Variants in VTI1A observed in about 807,000 individuals in gnomAD.
The protein encoded by VTI1A is vesicle transport through interaction with t-SNAREs homolog 1A.
Under a neutral mutation model 34.9 loss-of-function variants are expected in VTI1A, and 22 were observed. The ratio of observed to expected loss-of-function variants is 0.63; its 90% CI spans 0.45 to 0.90. The LOEUF (loss-of-function observed/expected upper bound fraction) is 0.90, where lower values mean the gene tolerates loss of function less well. Among genes scored for constraint, VTI1A ranks in the 40% least tolerant of loss-of-function variants. The pLI, the probability that VTI1A is intolerant of heterozygous loss-of-function variation, is 0.00. For missense variants in VTI1A, 268 were observed against 275.6 expected, an observed-to-expected ratio of 0.97 and a Z score of 0.20; for synonymous variants, 87 against 97.3, an observed-to-expected ratio of 0.89 and a Z score of 0.62.
the VTI1A span, among the ~76,000 whole-genome samples, chr10:112,846,638 C>T: frequency 6.6e-6 from 1 of 152,102 alleles, no homozygotes; most frequent in East Asian, 1.9e-4. Flanking sequence ...TGGTGGCGGG[C>T]ACCTGTAGTC....
intron 5 of VTI1A, among the ~76,000 whole-genome samples, chr10:112,564,220 T>C (rs1387845607): frequency 1.3e-5 from 2 of 152,104 alleles, no homozygotes; most frequent in East Asian, 3.9e-4. Context: ...ATTAAATCAT[T>C]TGGCAGTGAC....
intron 3 of VTI1A, among the ~76,000 whole-genome samples, chr10:112,503,355 CAT>C (rs942494782): frequency 1.3e-5 from 2 of 152,162 alleles, no homozygotes; most frequent in Non-Finnish European, 2.9e-5. Context: ...TGAATGAGAA[CAT>C]GTGATATTTG....
chr10:112,718,287 A>G (rs1182789214), intron 7 of VTI1A, among the ~76,000 whole-genome samples: 1 of 152,192 alleles, frequency 6.6e-6, no homozygotes, highest in Non-Finnish European at 1.5e-5. Flanking sequence ...TCTCATAACA[A>G]GTTTGGTCAA....
chr10:112,475,622 A>T (rs1468119323), intron 3 of VTI1A, among the ~76,000 whole-genome samples: 1 of 152,228 alleles, frequency 6.6e-6, no homozygotes, highest in African/African-American at 2.4e-5. Context: ...ATTGGTTTTA[A>T]TACAGTTGTT....
At chr10:112,563,692 G>A (rs983746307) in intron 5 of VTI1A, among the ~76,000 whole-genome samples, 14 of 152,142 alleles carry the variant, frequency 9.2e-5, no homozygotes, top group South Asian at 2.1e-4. Flanking sequence ...ATTTATTAAC[G>A]TCAAATTAGC....
chr10:112,824,668 C>T, the VTI1A span: 2 of 152,354 alleles, frequency 1.3e-5, no homozygotes, highest in East Asian at 3.9e-4. Flanking sequence ...TGGTCTTTTC[C>T]CAGAGGCTGG....
chr10:112,752,869 C>T (rs1197442222), intron 7 of VTI1A, among the ~76,000 whole-genome samples: 1 of 152,124 alleles, frequency 6.6e-6, no homozygotes, highest in African/African-American at 2.4e-5. Context: ...GGTACTTCAG[C>T]TCACTTACAT....
rs528114087 is a variant in VTI1A at position 112,589,220 on chromosome 10, C to T, written c.427+50890C>T. ...CAAATCTCATCTTGAATTGCACTCC[C>T]ATTATTCCCACGTGTTGTGGGAGGG... is the stretch of plus-strand genomic sequence containing the variant. On this transcript the variant is annotated intron_variant, in intron 5 of 7. Transcript: ENST00000393077. 2.0e-5 allele frequency among the ~76,000 whole-genome samples: 3 copies of T among 152,218 alleles called. No homozygotes were observed. The South Asian group carries it at 6.2e-4, about 32-fold the overall frequency.
chr10:112,553,089 A>T (rs1851422219), intron 5 of VTI1A, among the ~76,000 whole-genome samples: 1 of 152,228 alleles, frequency 6.6e-6, no homozygotes, highest in South Asian at 2.1e-4. Context: ...CTTCTACATA[A>T]AAAGTAGGGA....
At chr10:112,708,486 C>T (rs2133915116) in intron 7 of VTI1A, among the ~76,000 whole-genome samples, 1 of 152,096 alleles carries the variant, frequency 6.6e-6, no homozygotes, top group Admixed American at 6.5e-5. Flanking sequence ...AGACTGTTTC[C>T]TAAAAGTGGT....
intron 3 of VTI1A, among the ~76,000 whole-genome samples, chr10:112,473,223 C>T (rs1237723006): frequency 2.0e-5 from 3 of 151,772 alleles, no homozygotes; most frequent in Non-Finnish European, 4.4e-5. Context: ...ATTCTCCTGC[C>T]TCAGCCTCCC....
the VTI1A span, among the ~76,000 whole-genome samples, chr10:112,849,415 G>T: frequency 6.6e-6 from 1 of 152,198 alleles, no homozygotes; most frequent in Non-Finnish European, 1.5e-5. Context: ...CCTCTAGGGA[G>T]CTGGAGCCTG....
intron 7 of VTI1A, among the ~76,000 whole-genome samples, chr10:112,731,573 C>G (rs980096954): frequency 1.8e-5 from 2 of 112,852 alleles, no homozygotes; most frequent in Non-Finnish European, 3.3e-5. Context: ...GAAACTCCAT[C>G]TCAAAAAAAA....
At chr10:112,704,796 A>G (rs933067522) in intron 7 of VTI1A, among the ~76,000 whole-genome samples, 1 of 152,200 alleles carries the variant, frequency 6.6e-6, no homozygotes, top group Non-Finnish European at 1.5e-5. Context: ...CTACATGATA[A>G]AAATGATGCT....
At chr10:112,628,287 TGGAATCTTTATGTTTA>T (rs1845998251) in intron 5 of VTI1A, among the ~76,000 whole-genome samples, 1 of 152,230 alleles carries the variant, frequency 6.6e-6, no homozygotes, top group Admixed American at 6.5e-5. Flanking sequence ...TCTTATGGAC[TGGAATCTTTATGTTTA>T]GGTGTTTAGG....
chr10:112,691,482 A>G (rs1486351561), intron 7 of VTI1A, among the ~76,000 whole-genome samples: 2 of 151,860 alleles, frequency 1.3e-5, no homozygotes, highest in African/African-American at 4.8e-5. Flanking sequence ...GACTGTAGCA[A>G]ATTTGGTCTT....
intron 5 of VTI1A, among the ~76,000 whole-genome samples, chr10:112,563,026 G>A (rs910559670): frequency 4.6e-4 from 70 of 152,126 alleles, no homozygotes; most frequent in African/African-American, 1.6e-3. Flanking sequence ...AATTGCACCC[G>A]CGTAGAGTTG....
intron 3 of VTI1A, among the ~76,000 whole-genome samples, chr10:112,482,958 A>T (rs1340454169): frequency 6.6e-6 from 1 of 152,178 alleles, no homozygotes; most frequent in Non-Finnish European, 1.5e-5. Context: ...AACAACTGTC[A>T]CTGGCAAGTG....
At chr10:112,801,014 T>C (rs1383181361) in intron 7 of VTI1A, among the ~76,000 whole-genome samples, 2 of 152,198 alleles carry the variant, frequency 1.3e-5, no homozygotes, top group Non-Finnish European at 2.9e-5. Context: ...ATGTAGTATG[T>C]GGCTTCTCTG....
Sources: gnomAD v4.1 joint callset for allele counts (sites outside exome capture counted in the v4.1 genomes callset) on GRCh38, gnomAD v4.1.1 for gene constraint, MANE v1.5 for transcripts, NCBI Gene and HGNC (gene_info 2026-07-23, HGNC 2026-07-21) for gene names.